The following TMCC1 variants were observed in gnomAD, a reference collection of about 807,000 sequenced individuals.
TMCC1 encodes the protein transmembrane and coiled-coil domains protein 1.
TMCC1 carries 15 observed loss-of-function variants against 52.4 expected under a neutral mutation model. The ratio of observed to expected loss-of-function variants is 0.29; its 90% CI spans 0.19 to 0.44. The LOEUF (loss-of-function observed/expected upper bound fraction) is 0.44, where lower values mean the gene tolerates loss of function less well. Ranked by LOEUF, TMCC1 falls within the 20% of genes least tolerant of loss-of-function variation. The pLI, the probability that TMCC1 is intolerant of heterozygous loss-of-function variation, is 1.00. For synonymous variants in TMCC1, 279 were observed against 301.9 expected (o/e 0.92, Z 0.79); for missense variants, 503 against 806.0 (o/e 0.62, Z 4.55).
At chr3:129,747,549 A>G (rs1432183171) in intron 4 of TMCC1, among the ~76,000 whole-genome samples, 14 of 152,108 alleles carry the variant, frequency 9.2e-5, no homozygotes, top group Admixed American at 7.2e-4. Context: ...CTTCCTTTCC[A>G]TATTTGGAAC....
intron 4 of TMCC1, among the ~76,000 whole-genome samples, chr3:129,791,256 G>T (rs1187947706): frequency 6.6e-6 from 1 of 151,974 alleles, no homozygotes; most frequent in Non-Finnish European, 1.5e-5. Flanking sequence ...ACCACGTCCG[G>T]CTAATTTTTT....
intron 3 of TMCC1, among the ~76,000 whole-genome samples, 171 bp downstream of exon 3, chr3:129,832,603 A>C (rs2107843710): frequency 6.6e-6 from 1 of 152,350 alleles, no homozygotes. Context: ...ACCATTTAGG[A>C]GGGTATTCCA....
Position 129,670,444 on chromosome 3 carries a change from A to G in TMCC1, c.1397T>C (p.Ile466Thr), listed in dbSNP as rs775919058. Reference protein sequence around the residue: ...SSGFDALLHEIQEIRETQARL... With the variant: ...SSGFDALLHETQEIRETQARL... ...GGCCTGGGTTTCCCGGATCTCCTGG[A>G]TCTCATGTAGTAGTGCATCAAATCC... Residue 466 changes from isoleucine to threonine, a missense_variant, in exon 5 of 7, where the codon ATC (isoleucine) becomes ACC (threonine). Coordinates refer to ENST00000393238, the MANE Select transcript of TMCC1 (RefSeq NM_001017395.5). 1 of 1,614,052 alleles carries G rather than the reference A, an allele frequency of 6.2e-7. No homozygotes were observed. Among genetic ancestry groups the G allele is most frequent in the Admixed American group, 1.7e-5 (1 of 60,010 alleles).
intron 4 of TMCC1, among the ~76,000 whole-genome samples, chr3:129,677,769 A>C (rs1173509981): frequency 6.6e-6 from 1 of 152,156 alleles, no homozygotes; most frequent in Non-Finnish European, 1.5e-5. Context: ...ATATACCCCT[A>C]ATCCCACGTT....
chr3:129,721,309 G>A (rs767766224), intron 4 of TMCC1, among the ~76,000 whole-genome samples: 9 of 151,944 alleles, frequency 5.9e-5, no homozygotes, highest in Non-Finnish European at 1.0e-4. Context: ...TACCCTCAAT[G>A]TCCAGCACTT....
chr3:129,692,948 T>C (rs2047132344), intron 4 of TMCC1, among the ~76,000 whole-genome samples: 1 of 152,126 alleles, frequency 6.6e-6, no homozygotes, highest in East Asian at 1.9e-4. Context: ...GCTCAAGTGA[T>C]CCTCCTACCT....
chr3:129,852,728 G>A (rs2059972326), intron 2 of TMCC1, among the ~76,000 whole-genome samples: 1 of 152,040 alleles, frequency 6.6e-6, no homozygotes, highest in Non-Finnish European at 1.5e-5. Context: ...AAAAACTGAA[G>A]AAAAGAGTTT....
chr3:129,665,307 T>C (rs182166369), intron 5 of TMCC1, among the ~76,000 whole-genome samples: 3 of 152,338 alleles, frequency 2.0e-5, no homozygotes, highest in African/African-American at 7.2e-5. Flanking sequence ...CTCTATAGGC[T>C]TTGGAATGCT....
At chr3:129,838,779 A>T (rs1271750328) in intron 2 of TMCC1, among the ~76,000 whole-genome samples, 2 of 134,996 alleles carry the variant, frequency 1.5e-5, no homozygotes, top group Non-Finnish European at 1.6e-5. Flanking sequence ...AAAAAAAAAA[A>T]GGATATCTAG....
chr3:129,734,742 C>G (rs1328628962), intron 4 of TMCC1, among the ~76,000 whole-genome samples: 1 of 152,012 alleles, frequency 6.6e-6, no homozygotes, highest in Admixed American at 6.6e-5. Context: ...CAGGATAGTA[C>G]TTGTCTCTGA....
At chr3:129,856,517 C>A (rs1333197627) in intron 2 of TMCC1, among the ~76,000 whole-genome samples, 1 of 152,122 alleles carries the variant, frequency 6.6e-6, no homozygotes, top group African/African-American at 2.4e-5. Context: ...GTCCCAAATT[C>A]AAAACTATGA....
intron 4 of TMCC1, among the ~76,000 whole-genome samples, chr3:129,696,669 A>G (rs2047436109): frequency 6.6e-6 from 1 of 152,348 alleles, no homozygotes; most frequent in African/African-American, 2.4e-5. Flanking sequence ...TTTTCCGCCT[A>G]TGAGCCTGTA....
Position 129,828,538 on chromosome 3 carries a change from C to CA in TMCC1, c.-130-31dup, listed in dbSNP as rs952733926. ...TGTTAAAAACAAAAAAACAAAAAAA[C>CA]AAAAAAAAAACCTTATATTATAAAT... On this transcript the variant is annotated intron_variant, in intron 3 of 6. Coordinates refer to ENST00000393238, the MANE Select transcript of TMCC1 (RefSeq NM_001017395.5). This position sits in a 1 kb window ranked among gnomAD's most constrained non-coding sequence, Gnocchi z 4.1. The CA allele has an allele frequency of 0.017, 8,719 of 519,556 alleles. No individual in the cohort carries two copies. The highest frequency in any genetic ancestry group is 0.028 in the South Asian group (869 of 30,840). 32.2% of individuals were successfully genotyped at this position (519,556 alleles called of 1,614,324 possible).
chr3:129,798,124 T>C (rs1429862555), intron 4 of TMCC1, among the ~76,000 whole-genome samples: 1 of 151,872 alleles, frequency 6.6e-6, no homozygotes, highest in Non-Finnish European at 1.5e-5. Context: ...GCCTCCCAAG[T>C]AGCTGGGATT....
chr3:129,855,660 A>T (rs2060118349), intron 2 of TMCC1, among the ~76,000 whole-genome samples: 2 of 152,028 alleles, frequency 1.3e-5, no homozygotes, highest in South Asian at 4.1e-4. Context: ...TTGGCCTAAA[A>T]ACAACAACAA....
chr3:129,812,885 T>G (rs2057900200), intron 4 of TMCC1, among the ~76,000 whole-genome samples: 1 of 152,026 alleles, frequency 6.6e-6, no homozygotes, highest in Non-Finnish European at 1.5e-5. Context: ...GTAAACAGCC[T>G]ACAGAAGGGG....
At chr3:129,851,876 G>C (rs764483196) in intron 2 of TMCC1, among the ~76,000 whole-genome samples, 1 of 152,156 alleles carries the variant, frequency 6.6e-6, no homozygotes, top group Non-Finnish European at 1.5e-5. Context: ...ATTGCCAGGC[G>C]TGGTGGCTCA....
intron 4 of TMCC1, among the ~76,000 whole-genome samples, chr3:129,676,869 C>G (rs541191567): frequency 9.9e-4 from 151 of 152,222 alleles, no homozygotes; most frequent in African/African-American, 3.4e-3. Context: ...TCAGATGATG[C>G]CTGCCAAACA....
At chr3:129,732,935 G>A (rs1416947730) in intron 4 of TMCC1, among the ~76,000 whole-genome samples, 1 of 152,208 alleles carries the variant, frequency 6.6e-6, no homozygotes, top group Admixed American at 6.5e-5. Flanking sequence ...TTCTCCTAGA[G>A]TTCTCTTATC....
Sources: gnomAD v4.1 joint callset for allele counts (sites outside exome capture counted in the v4.1 genomes callset) on GRCh38, gnomAD v4.1.1 for gene constraint, Gnocchi (gnomAD v3.1) non-coding constraint, MANE v1.5 for transcripts, NCBI Gene and HGNC (gene_info 2026-07-23, HGNC 2026-07-21) for gene names.